The following SHE variants were observed in gnomAD, a reference collection of about 807,000 sequenced individuals.
SHE encodes SH2 domain-containing adapter protein E.
Under a neutral mutation model 49.8 loss-of-function variants are expected in SHE, and 11 were observed. The ratio of observed to expected loss-of-function variants is 0.22; its 90% confidence interval spans 0.14 to 0.37. The LOEUF is 0.37. Ranked by LOEUF, SHE falls within the 10% of genes least tolerant of loss-of-function variation. The pLI is 1.00. For synonymous variants in SHE, 310 were observed against 278.1 expected (o/e 1.11, Z -1.14); for missense variants, 624 against 655.5 (o/e 0.95, Z 0.52).
Position 154,486,582 on chromosome 1 carries a change from A to G in SHE, c.1126T>C (p.Ser376Pro). The G allele has an allele frequency of 6.2e-7, 1 of 1,614,094 alleles. No individual in the cohort carries two copies. Among genetic ancestry groups the G allele is most frequent in the South Asian group, 1.1e-5 (1 of 91,072 alleles). ...ACTTTCTCTCCCTCACTGTGGTCCGAGAGGGCTGGCTTCAGGATCTTCTGG... is the reference window on the plus strand; with the variant it reads ...ACTTTCTCTCCCTCACTGTGGTCCGGGAGGGCTGGCTTCAGGATCTTCTGG... ...WTQKILKPALSDHSEGEKVDP... is the reference protein window; with the variant it reads ...WTQKILKPALPDHSEGEKVDP... The change falls in exon 4 of 6, where the codon TCG (serine) becomes CCG (proline). Residue 376 changes from serine to proline, a missense_variant. Transcript: ENST00000304760.
chr1:154,470,544 G>A (rs1276789156), intron 1 of SHE, among the ~76,000 whole-genome samples: 3 of 152,190 alleles, frequency 2.0e-5, no homozygotes, highest in African/African-American at 4.8e-5. Flanking sequence ...CTGGCGAGGT[G>A]AAAGGCCTTT....
chr1:154,481,162 G>A lies in SHE; in HGVS notation c.*2987C>T. 1.0e-6 allele frequency: 1 copy of A among 985,430 alleles called. No homozygotes were observed. The allele number at this position is 985,430 out of a possible 1,614,324, so 61.0% of individuals were successfully genotyped here. A position where few individuals can be genotyped will look rare whatever the true frequency, so the allele number is the denominator to read the frequency against. On this transcript the variant is annotated 3_prime_UTR_variant, in exon 6 of 6. Transcript: ENST00000304760. ...CTGGCCATGGAGGTTTAACAAGGAA[G>A]CCATTAGGGACACCCTGCTGGGCCT... is the stretch of plus-strand genomic sequence containing the variant.
downstream of SHE, among the ~76,000 whole-genome samples, chr1:154,475,194 T>C (rs1254197750): frequency 6.6e-6 from 1 of 152,046 alleles, no homozygotes; most frequent in Admixed American, 6.6e-5. Context: ...CAATGTTCTT[T>C]TTTCTTTTTT....
At position 154,484,147 on chromosome 1, in the gene SHE, T is replaced by C; in HGVS notation, c.*2A>G. ...AGGCCCAGGGCTTGCAGTGGCTGAA[T>C]CTTAGTGAAGCTTGCTGTGCACTGG... On this transcript the variant is annotated 3_prime_UTR_variant, in exon 6 of 6. Transcript: ENST00000304760. The C allele has an allele frequency of 6.2e-7, 1 of 1,611,880 alleles. No individual in the cohort carries two copies. The highest frequency in any genetic ancestry group is 8.5e-7 in the Non-Finnish European group (1 of 1,178,374).
In SHE at chr1:154,480,210, C is replaced by T. The variant is rs1416154561; in HGVS notation, c.*3939G>A. On this transcript the variant is annotated 3_prime_UTR_variant, in exon 6 of 6. Coordinates refer to ENST00000304760, the MANE Select transcript of SHE (RefSeq NM_001010846.3). Reference sequence around the variant, plus strand: ...CTAGTTATGGAAAAATAGGAGACAACTAGTGAACGAGAGATCTGTGAAGGG... The same window carrying T: ...CTAGTTATGGAAAAATAGGAGACAATTAGTGAACGAGAGATCTGTGAAGGG... 3 of 985,424 alleles carry T rather than the reference C, an allele frequency of 3.0e-6. No homozygotes were observed. The highest frequency in any genetic ancestry group is 3.6e-6 in the Non-Finnish European group (3 of 829,946). 61.0% of individuals were successfully genotyped at this position (985,424 alleles called of 1,614,324 possible).
intron 2 of SHE, among the ~76,000 whole-genome samples, chr1:154,490,620 T>C (rs1410555191): frequency 6.6e-6 from 1 of 152,042 alleles, no homozygotes; most frequent in Non-Finnish European, 1.5e-5. Context: ...GCTTGTTCCA[T>C]AATGGGGAGC....
chr1:154,483,095 G>T lies in SHE; in HGVS notation c.*1054C>A. The T allele has an allele frequency of 1.0e-6, 1 of 984,916 alleles. No individual in the cohort carries two copies. Among genetic ancestry groups the T allele is most frequent in the Non-Finnish European group, 1.2e-6 (1 of 829,494 alleles). 61.0% of individuals were successfully genotyped at this position (984,916 alleles called of 1,614,324 possible). A position where few individuals can be genotyped will look rare whatever the true frequency, so the allele number is the denominator to read the frequency against. On this transcript the variant is annotated 3_prime_UTR_variant, in exon 6 of 6. Coordinates refer to ENST00000304760, the MANE Select transcript of SHE (RefSeq NM_001010846.3). ...AAAATTCAGAAATGAAATTTTTGTT[G>T]TACCTTTTATTCTATAATTCAGAAT...
intron 2 of SHE, among the ~76,000 whole-genome samples, chr1:154,497,876 T>A (rs1256224023): frequency 6.6e-6 from 1 of 151,486 alleles, no homozygotes; most frequent in Non-Finnish European, 1.5e-5. Context: ...GAGACAGGGG[T>A]TTCTCCACGT....
At position 154,501,515 on chromosome 1, in the gene SHE, G is replaced by A. The variant is rs746033056; in HGVS notation, c.512C>T (p.Ser171Phe). The A allele has an allele frequency of 1.2e-6, 2 of 1,614,122 alleles. No homozygotes were observed. The highest frequency in any genetic ancestry group is 1.7e-6 in the Non-Finnish European group (2 of 1,179,986). Residue 171 changes from serine to phenylalanine, a missense_variant, in exon 1 of 6, where the codon TCC becomes TTC. By Grantham distance (155) the Ser-to-Phe change is radical. Coordinates refer to ENST00000304760, the MANE Select transcript of SHE (RefSeq NM_001010846.3). ...AGGGGAAGAGGACGCGGAGGAAGAG[G>A]AGCTGGAGCTGGAGCTACTGCTGCT... ...YPSSSSSSSS[S>F]SSSASSSPSS...
chr1:154,497,743 C>T (rs1247316540), intron 2 of SHE, among the ~76,000 whole-genome samples: 7 of 151,974 alleles, frequency 4.6e-5, no homozygotes, highest in Admixed American at 3.9e-4. Flanking sequence ...TGCAATGGCA[C>T]GATCTTGGCT....
At position 154,482,488 on chromosome 1, in the gene SHE, T is replaced by C; in HGVS notation, c.*1661A>G. The C allele has an allele frequency of 1.0e-6, 1 of 985,376 alleles. No individual in the cohort carries two copies. Among genetic ancestry groups the C allele is most frequent in the Non-Finnish European group, 1.2e-6 (1 of 829,884 alleles). The allele number at this position is 985,376 out of a possible 1,614,324, so 61.0% of individuals were successfully genotyped here. On this transcript the variant is annotated 3_prime_UTR_variant, in exon 6 of 6. Coordinates refer to ENST00000304760, the MANE Select transcript of SHE (RefSeq NM_001010846.3). ...TAACTAGTAACTACAAAGGTATACT[T>C]TCCTAAAAAATTAACCAAATCAACA...
rs1299100015 is a variant in SHE at position 154,501,811 on chromosome 1, G to A, written c.216C>T (p.Gly72=). 6.5e-7 allele frequency: 1 copy of A among 1,550,238 alleles called. No individual in the cohort carries two copies. The highest frequency in any genetic ancestry group is 8.7e-7 in the Non-Finnish European group (1 of 1,155,700). ...CCTTGCCAGGACCCGGCCCAGCGCC[G>A]CCCGCCTCCGAGTTCTTGCGCAATT... The part of the protein sequence containing the change: ...GGKLRKNSEA[G]GAGPGPGKGR... The change falls in exon 1 of 6, where the codon GGC becomes GGT. Residue 72 remains glycine (G), a synonymous_variant. Coordinates refer to ENST00000304760, the MANE Select transcript of SHE (RefSeq NM_001010846.3).
intron 1 of SHE, among the ~76,000 whole-genome samples, chr1:154,500,879 T>C (rs1303562748): frequency 3.3e-5 from 5 of 152,132 alleles, no homozygotes; most frequent in African/African-American, 9.7e-5. Context: ...CAAATGCCCA[T>C]GGAATGAATG....
chr1:154,493,788 A>ATAAT (rs992188009), intron 2 of SHE, among the ~76,000 whole-genome samples: 6 of 152,230 alleles, frequency 3.9e-5, no homozygotes, highest in African/African-American at 1.4e-4. Context: ...CTCTTTGGAA[A>ATAAT]TATAATTGTC....
intron 1 of SHE, among the ~76,000 whole-genome samples, chr1:154,499,762 C>T (rs1379674387): frequency 6.6e-5 from 10 of 152,144 alleles, no homozygotes; most frequent in Admixed American, 5.9e-4. Context: ...TCCAAAGACA[C>T]AGGCTTCATA....
intron 2 of SHE, among the ~76,000 whole-genome samples, chr1:154,495,389 C>A (rs1692495067): frequency 6.6e-6 from 1 of 152,138 alleles, no homozygotes; most frequent in South Asian, 2.1e-4. Flanking sequence ...TCAGTCATAT[C>A]TTTTTATGAA....
chr1:154,488,166 C>G (rs1182419967), intron 3 of SHE, among the ~76,000 whole-genome samples: 1 of 152,002 alleles, frequency 6.6e-6, no homozygotes, highest in Non-Finnish European at 1.5e-5. Context: ...TGGTCTCCAG[C>G]TCTTGACCTC....
chr1:154,479,744 C>T lies in SHE; in HGVS notation c.*4405G>A. 2.0e-6 allele frequency: 2 copies of T among 985,312 alleles called. No homozygotes were observed. Among genetic ancestry groups the T allele is most frequent in the Non-Finnish European group, 2.4e-6 (2 of 829,906 alleles). The allele number at this position is 985,312 out of a possible 1,614,324, so 61.0% of individuals were successfully genotyped here. A position where few individuals can be genotyped will look rare whatever the true frequency, so the allele number is the denominator to read the frequency against. ...GCTAAGAACTTGACAAAATGAGACG[C>T]CTGTTTCAATGATTCTGTTGCCAGC... On this transcript the variant is annotated 3_prime_UTR_variant, in exon 6 of 6. Transcript: ENST00000304760.
chr1:154,483,099 C>T lies in SHE; in HGVS notation c.*1050G>A. ...TTCAGAAATGAAATTTTTGTTGTAC[C>T]TTTTATTCTATAATTCAGAATTCTA... On this transcript the variant is annotated 3_prime_UTR_variant, in exon 6 of 6. Transcript: ENST00000304760. The T allele has an allele frequency of 1.0e-6, 1 of 984,806 alleles. No individual in the cohort carries two copies. The highest frequency in any genetic ancestry group is 1.2e-6 in the Non-Finnish European group (1 of 829,490). 61.0% of individuals were successfully genotyped at this position (984,806 alleles called of 1,614,324 possible).
Sources: allele counts gnomAD v4.1 joint callset (sites outside exome capture counted in the v4.1 genomes callset), GRCh38; gene constraint gnomAD v4.1.1; transcripts MANE v1.5; gene names NCBI Gene and HGNC (gene_info 2026-07-23, HGNC 2026-07-21).